Variants in SAGE1 observed in about 807,000 individuals in gnomAD.
The protein encoded by SAGE1 is sarcoma antigen 1, also known as cancer/testis antigen 14.
Under a neutral mutation model 55.4 loss-of-function variants are expected in SAGE1, and 55 were observed. The ratio of observed to expected loss-of-function variants is 0.99; its 90% CI spans 0.80 to 1.24. The LOEUF is 1.24. Among genes scored for constraint, SAGE1 ranks in the 50% most tolerant of loss-of-function variants. The pLI, the probability that SAGE1 is intolerant of heterozygous loss-of-function variation, is 0.00. For missense variants in SAGE1, 710 were observed against 704.4 expected (o/e 1.01, Z -0.09); for synonymous variants, 240 against 244.3 (o/e 0.98, Z 0.17).
chrX:135,903,209 C>T (rs782708297), intron 3 of SAGE1, among the ~76,000 whole-genome samples: 2 of 112,501 alleles, frequency 1.8e-5, no homozygotes, highest in Non-Finnish European at 1.9e-5. Context: ...TGGAACTCTC[C>T]CTCTGCCTCT....
intron 11 of SAGE1, 80 bp from the exon 12 acceptor site, chrX:135,908,397 T>A: frequency 9.2e-7 from 1 of 1,087,134 alleles, no homozygotes; most frequent in Non-Finnish European, 1.2e-6. Context: ...TCCTAGAAAC[T>A]GAGCATCAGA....
chrX:135,903,780 TTGCTGC>T (rs2088727372), intron 3 of SAGE1, among the ~76,000 whole-genome samples: 1 of 964 alleles, frequency 1.0e-3, no homozygotes, highest in Non-Finnish European at 4.0e-3. Context: ...AATTATCATC[TTGCTGC>T]CTATCAAGGG....
In SAGE1 at chrX:135,907,378, G is replaced by A. The variant is rs781831161; in HGVS notation, c.943G>A (p.Val315Ile). The change falls in exon 9 of 20, where the codon GTA becomes ATA. Residue 315 changes from valine (V) to isoleucine (I), a missense_variant. By Grantham distance (29) the Val-to-Ile change is conservative. Transcript: ENST00000370709. ...AAATGACCAACCGCAACCTAATAAC[G>A]TATTGTCAACTGTTCAACCAGTGAT... Reference protein sequence around the residue: ...MENDQPQPNNVLSTVQPVIIY... With the variant: ...MENDQPQPNNILSTVQPVIIY... 1.6e-5 allele frequency: 19 copies of A among 1,204,690 alleles called. No homozygotes were observed. The highest frequency in any genetic ancestry group is 5.3e-5 in the South Asian group (3 of 56,469).
chrX:135,907,591 C>T, intron 9 of SAGE1, 110 bp from the exon 10 acceptor site: 8 of 1,006,043 alleles, frequency 8.0e-6, no homozygotes, highest in Non-Finnish European at 1.1e-5. Flanking sequence ...CTTGCTGTAT[C>T]CTCCTGCTTT....
In SAGE1 at chrX:135,911,252, A is replaced by G; in HGVS notation, c.2066A>G (p.Asp689Gly). The change falls in exon 17 of 20, where the codon GAT becomes GGT. Residue 689 changes from aspartate (D) to glycine (G), a missense_variant. Asp to Gly is a moderately conservative substitution (Grantham distance 94). Coordinates refer to ENST00000370709, the MANE Select transcript of SAGE1 (RefSeq NM_001381902.1). ...ATGACAAATGGCCAACAGGCACCTG[A>G]TAACTCCTTGTCAACGGTTCCACCT... ...EKMTNGQQAPDNSLSTVPPGC... is the reference protein window; with the variant it reads ...EKMTNGQQAPGNSLSTVPPGC... The G allele has an allele frequency of 8.3e-7, 1 of 1,209,595 alleles. No individual in the cohort carries two copies. The highest frequency in any genetic ancestry group is 1.1e-6 in the Non-Finnish European group (1 of 893,515).
In SAGE1 at chrX:135,907,404, T is replaced by G. The variant is rs1394351107; in HGVS notation, c.969T>G (p.Ile323Met). 1.4e-5 allele frequency: 17 copies of G among 1,208,763 alleles called. No individual in the cohort carries two copies. The highest frequency in any genetic ancestry group is 1.9e-5 in the Non-Finnish European group (17 of 893,174). ...NNVLSTVQPV[I>M]IYLTATGIPG... ...TATTGTCAACTGTTCAACCAGTGAT[T>G]ATTTATTTGACAGCAACTGGTATTC... The change falls in exon 9 of 20, where the codon ATT becomes ATG. Residue 323 changes from isoleucine (I) to methionine (M), a missense_variant. Transcript: ENST00000370709.
intron 14 of SAGE1, 75 bp from the exon 15 acceptor site, chrX:135,909,955 G>A (rs2088865752): frequency 1.4e-5 from 15 of 1,070,154 alleles, no homozygotes; most frequent in Middle Eastern, 2.6e-4. Context: ...TAGAAGCTGA[G>A]CATCAGGAAG....
Position 135,910,189 on chromosome X carries a change from T to C in SAGE1, c.1864+19T>C. Reference sequence around the variant, plus strand: ...GATCAGTGTAAGTTTATTCACTTGTTGTACTGTCATACTTGGTTTCCATAT... The same window carrying C: ...GATCAGTGTAAGTTTATTCACTTGTCGTACTGTCATACTTGGTTTCCATAT... On this transcript the variant is annotated intron_variant, in intron 15 of 19. Coordinates refer to ENST00000370709, the MANE Select transcript of SAGE1 (RefSeq NM_001381902.1). The C allele has an allele frequency of 8.4e-7, 1 of 1,189,161 alleles. No homozygotes were observed. Among genetic ancestry groups the C allele is most frequent in the Non-Finnish European group, 1.1e-6 (1 of 877,338 alleles).
At chrX:135,908,411 A>T (rs1227253119) in intron 11 of SAGE1, 66 bp from the exon 12 acceptor site, 72 of 1,111,406 alleles carry the variant, frequency 6.5e-5, no homozygotes, top group Non-Finnish European at 8.6e-5. Context: ...CATCAGAGGG[A>T]TATATACATG....
intron 3 of SAGE1, among the ~76,000 whole-genome samples, 156 bp downstream of exon 3, chrX:135,901,847 G>A (rs1388402051): frequency 1.8e-5 from 2 of 112,000 alleles, no homozygotes; most frequent in African/African-American, 6.5e-5. Context: ...TTAGATGAAT[G>A]AAGCAGGTTC....
At chrX:135,898,104 G>A (rs1307667066) in intron 2 of SAGE1, among the ~76,000 whole-genome samples, 1 of 111,146 alleles carries the variant, frequency 9.0e-6, no homozygotes, top group Admixed American at 9.5e-5. Context: ...TGCAAGCTCC[G>A]CCTCCCGGGC....
In SAGE1 at chrX:135,901,617, A is replaced by G. The variant is rs1556596691; in HGVS notation, c.146A>G (p.His49Arg). The change falls in exon 3 of 20, where the codon CAT (histidine) becomes CGT (arginine). Residue 49 changes from histidine to arginine, a missense_variant. His to Arg is a conservative substitution (Grantham distance 29). Transcript: ENST00000370709. ...VATGHQSKKK[H>R]SRKSKRHSSS... ...ACAGGGCATCAAAGCAAAAAGAAAC[A>G]TTCCAGAAAATCCAAGAGACACTCT... 3.3e-6 allele frequency: 4 copies of G among 1,207,183 alleles called. No homozygotes were observed. The highest frequency in any genetic ancestry group is 3.0e-5 in the East Asian group (1 of 33,794).
intron 9 of SAGE1, 25 bp downstream of exon 9, chrX:135,907,478 G>A: frequency 1.7e-6 from 2 of 1,168,386 alleles, no homozygotes; most frequent in South Asian, 3.9e-5. Context: ...TAGTTGTAGT[G>A]TCCTAGTTGG....
intron 10 of SAGE1, 57 bp downstream of exon 10, chrX:135,907,898 T>C: frequency 8.9e-7 from 1 of 1,120,692 alleles, no homozygotes; most frequent in East Asian, 3.0e-5. Flanking sequence ...ATGCATATTG[T>C]CATCAAGGGA....
chrX:135,909,178 G>A lies in SAGE1; in HGVS notation c.1582+174G>A, dbSNP rs144528774. Among the ~76,000 whole-genome samples the A allele has an allele frequency of 3.3e-3, 363 of 110,350 alleles. 1 individual carries two copies. Among genetic ancestry groups the A allele is most frequent in the African/African-American group, 0.011 (348 of 30,363 alleles). Reference sequence around the variant, plus strand: ...TCTTAGATAATTTCCTAGAAACTGGGTATCAGAGGAATATATCTGCAGGGC... The same window carrying A: ...TCTTAGATAATTTCCTAGAAACTGGATATCAGAGGAATATATCTGCAGGGC... On this transcript the variant is annotated intron_variant, in intron 13 of 19. Transcript: ENST00000370709.
In SAGE1 at chrX:135,908,927, AGG is replaced by A; in HGVS notation, c.1506_1507del (p.Lys502AsnfsTer5). On this transcript the variant is annotated frameshift_variant, in exon 13 of 20. Transcript: ENST00000370709. LOFTEE classifies it high-confidence loss of function. Reference sequence around the variant, plus strand: ...GAAAGTGGCAAACCCCAAACTGATAAGGTCATATCAAATGATGCACCACAGCT... The same window carrying A: ...GAAAGTGGCAAACCCCAAACTGATAATCATATCAAATGATGCACCACAGCT... 1 of 1,208,148 alleles carries A rather than the reference AGG, an allele frequency of 8.3e-7. No homozygotes were observed. The highest frequency in any genetic ancestry group is 1.7e-5 in the African/African-American group (1 of 57,638).
At chrX:135,905,039 G>C (rs1276809537) in intron 4 of SAGE1, among the ~76,000 whole-genome samples, 1 of 110,400 alleles carries the variant, frequency 9.1e-6, no homozygotes, top group Non-Finnish European at 1.9e-5. Flanking sequence ...GTCCTCCTTG[G>C]TTTCCATGTG....
At chrX:135,909,956 C>A in intron 14 of SAGE1, 74 bp from the exon 15 acceptor site, 1 of 1,076,716 alleles carries the variant, frequency 9.3e-7, no homozygotes, top group Non-Finnish European at 1.3e-6. Flanking sequence ...AGAAGCTGAG[C>A]ATCAGGAAGA....
chrX:135,903,670 G>A (rs2088724484), intron 3 of SAGE1, among the ~76,000 whole-genome samples: 1 of 112,207 alleles, frequency 8.9e-6, no homozygotes, highest in African/African-American at 3.2e-5. Context: ...GAGTATTTGG[G>A]GTAGAAAGGA....
Sources: allele counts gnomAD v4.1 joint callset (sites outside exome capture counted in the v4.1 genomes callset), GRCh38; gene constraint gnomAD v4.1.1; transcripts MANE v1.5; gene names NCBI Gene and HGNC (gene_info 2026-07-23, HGNC 2026-07-21).